LY9: variants seen among roughly 807,000 people sequenced by gnomAD.
The protein encoded by LY9 is lymphocyte antigen 9, also known as T-lymphocyte surface antigen Ly-9.
LY9 carries 59 observed loss-of-function variants against 64.6 expected under a neutral mutation model. That is an observed-to-expected ratio of 0.91 (90% CI 0.74 to 1.13). The LOEUF is 1.13. Ranked by LOEUF, LY9 falls within the 50% of genes most tolerant of loss-of-function variation. The pLI is 0.00. For missense variants in LY9, 789 were observed against 797.2 expected, an observed-to-expected ratio of 0.99 and a Z score of 0.12; for synonymous variants, 281 against 308.5, an observed-to-expected ratio of 0.91 and a Z score of 0.93.
intron 1 of LY9, 85 bp downstream of exon 1, chr1:160,796,396 T>C: frequency 6.7e-7 from 1 of 1,483,526 alleles, no homozygotes; most frequent in South Asian, 1.3e-5. Context: ...ATTCTTTTTT[T>C]TGTTTTTTGT....
chr1:160,815,657 A>G (rs1667892604), intron 4 of LY9, among the ~76,000 whole-genome samples: 1 of 152,214 alleles, frequency 6.6e-6, no homozygotes. Flanking sequence ...AAGTGCTGGG[A>G]TTACAGGCAT....
intron 7 of LY9, among the ~76,000 whole-genome samples, chr1:160,822,136 G>A (rs1668512128): frequency 6.6e-6 from 1 of 152,062 alleles, no homozygotes; most frequent in Non-Finnish European, 1.5e-5. Context: ...CTCGCGTGCC[G>A]GGAAAGTTTA....
At chr1:160,823,420 G>A (rs1668631112) in intron 7 of LY9, 45 bp from the exon 8 acceptor site, 4 of 1,457,360 alleles carry the variant, frequency 2.7e-6, no homozygotes, top group Non-Finnish European at 3.8e-6. Flanking sequence ...CAAGAAGAGA[G>A]GTGGGGTTGG....
At chr1:160,822,278 G>A (rs2101830820) in intron 7 of LY9, among the ~76,000 whole-genome samples, 1 of 152,264 alleles carries the variant, frequency 6.6e-6, no homozygotes, top group East Asian at 1.9e-4. Flanking sequence ...AATGCGCTGA[G>A]TTCTATAGTC....
intron 7 of LY9, among the ~76,000 whole-genome samples, chr1:160,819,829 G>GAA (rs1668256082): frequency 2.1e-5 from 2 of 94,348 alleles, no homozygotes; most frequent in Non-Finnish European, 4.1e-5. Flanking sequence ...AAGAAAGAGA[G>GAA]AGAAAGAAAG....
intron 3 of LY9, among the ~76,000 whole-genome samples, chr1:160,814,157 G>A (rs547332425): frequency 6.6e-6 from 1 of 152,340 alleles, no homozygotes; most frequent in African/African-American, 2.4e-5. Flanking sequence ...CAGGAGTCCA[G>A]ATTGGTCTTT....
In LY9 at chr1:160,819,260, A is replaced by G. The variant is rs1446497088; in HGVS notation, c.1445-61A>G. ...CCCCTTCTCATTTGACTCTCACAGA[A>G]TAAAAGACACCTCTCACCTCACAGC... On this transcript the variant is annotated intron_variant, in intron 6 of 9. Coordinates refer to ENST00000263285, the MANE Select transcript of LY9 (RefSeq NM_002348.4). 26 of 1,287,666 alleles carry G rather than the reference A, an allele frequency of 2.0e-5. No individual in the cohort carries two copies. In the East Asian group the frequency reaches 3.9e-4, roughly 20 times the overall value. The allele number at this position is 1,287,666 out of a possible 1,614,324, so 79.8% of individuals were successfully genotyped here.
Position 160,814,743 on chromosome 1 carries a change from G to T in LY9, c.1054G>T (p.Val352Phe). Reference sequence around the variant, plus strand: ...CTCCAGCGTCACCAGCATGACACATGTCACCCTGCTCATCTACCGTGAGTC... The same window carrying T: ...CTCCAGCGTCACCAGCATGACACATTTCACCCTGCTCATCTACCGTGAGTC... ...EASSVTSMTHVTLLIYRRLRK... is the reference protein window; with the variant it reads ...EASSVTSMTHFTLLIYRRLRK... Residue 352 changes from valine to phenylalanine, a missense_variant, in exon 4 of 10, where the codon GTC (valine) becomes TTC (phenylalanine). Physicochemically the swap from Val to Phe is conservative, Grantham distance 50 (BLOSUM62 -1). Transcript: ENST00000263285. 1 of 1,613,394 alleles carries T rather than the reference G, an allele frequency of 6.2e-7. No homozygotes were observed. The highest frequency in any genetic ancestry group is 8.5e-7 in the Non-Finnish European group (1 of 1,179,638).
intron 2 of LY9, among the ~76,000 whole-genome samples, chr1:160,800,923 G>A (rs985527597): frequency 4.6e-5 from 7 of 152,316 alleles, no homozygotes; most frequent in Admixed American, 2.0e-4. Flanking sequence ...ATAAATACAT[G>A]TATGTATGTG....
chr1:160,819,307 A>G lies in LY9; in HGVS notation c.1445-14A>G. On this transcript the variant is annotated splice_polypyrimidine_tract_variant and intron_variant, in intron 6 of 9. Transcript: ENST00000263285. ...CAGCCCTCTTGATAAACCTTCTCTA[A>G]CTTTGTTTCTCAGGTTCAGTCCCAG... is the stretch of plus-strand genomic sequence containing the variant. The G allele has an allele frequency of 1.2e-6, 2 of 1,611,340 alleles. No individual in the cohort carries two copies. Among genetic ancestry groups the G allele is most frequent in the Non-Finnish European group, 1.7e-6 (2 of 1,177,792 alleles).
chr1:160,806,706 T>TA (rs1437251297), intron 2 of LY9, among the ~76,000 whole-genome samples: 2 of 152,226 alleles, frequency 1.3e-5, no homozygotes, highest in Non-Finnish European at 2.9e-5. Flanking sequence ...GTCATGGAGA[T>TA]CTTTTTGCAT....
intron 1 of LY9, among the ~76,000 whole-genome samples, chr1:160,797,433 A>G (rs1009934334): frequency 3.3e-5 from 5 of 152,344 alleles, no homozygotes; most frequent in African/African-American, 1.2e-4. Context: ...ATCTTGGCTC[A>G]TCAAAACACA....
rs145664274 is a variant in LY9, at chr1:160,818,307, C to T, written c.1432C>T (p.Arg478Ter). 488 of 1,613,542 alleles carry T rather than the reference C, an allele frequency of 3.0e-4. 3 individuals are homozygous for T. In the African/African-American group the frequency reaches 5.7e-3, roughly 19 times the overall value. The change falls in exon 6 of 10, where the codon CGA becomes TGA. Residue 478 changes from arginine (R) to a stop codon, truncating the protein, a stop_gained. Transcript: ENST00000263285. LOFTEE classifies it high-confidence loss of function. The stretch of plus-strand genomic sequence containing the variant: ...GATCTTCAGCTGGTGCATTTGGAAG[C>T]GAAAAGGACGGTGTGAGTTTCCGAG... ...VGIFSWCIWK[R>*]KGRCSVPAFC...
chr1:160,818,171 G>T, intron 5 of LY9, 47 bp from the exon 6 acceptor site: 1 of 1,254,410 alleles, frequency 8.0e-7, no homozygotes, highest in East Asian at 2.3e-5. Flanking sequence ...TTGCTCCAGT[G>T]TGTCTTGTCA....
intron 2 of LY9, chr1:160,801,764 T>C: frequency 6.4e-7 from 1 of 1,563,036 alleles, no homozygotes; most frequent in Non-Finnish European, 8.8e-7. Flanking sequence ...TTCATTCTTC[T>C]GCATGTGACT....
At chr1:160,804,132 T>G (rs900669694) in intron 2 of LY9, among the ~76,000 whole-genome samples, 1 of 152,278 alleles carries the variant, frequency 6.6e-6, no homozygotes, top group African/African-American at 2.4e-5. Context: ...CTATGTTGAA[T>G]AAAAGTAGTG....
intron 4 of LY9, among the ~76,000 whole-genome samples, chr1:160,816,367 A>G (rs1667944771): frequency 6.6e-6 from 1 of 151,984 alleles, no homozygotes; most frequent in South Asian, 2.1e-4. Context: ...ACTTTTCATC[A>G]TTTCCCTTGT....
In LY9 at chr1:160,824,737, T is replaced by C. The variant is rs550753886; in HGVS notation, c.1899+488T>C. ...GCTCATACCTGTAATCCCAGCACTT[T>C]GGGAGGCCAAGGCGGGTGGATCACA... On this transcript the variant is annotated intron_variant, in intron 9 of 9. Transcript: ENST00000263285. The C allele has an allele frequency of 8.9e-6, 7 of 785,380 alleles. No homozygotes were observed. The South Asian group carries it at 3.6e-4, about 40-fold the overall frequency. 48.7% of individuals were successfully genotyped at this position (785,380 alleles called of 1,614,324 possible).
At chr1:160,807,443 C>G (rs774952139) in intron 2 of LY9, among the ~76,000 whole-genome samples, 57 of 152,320 alleles carry the variant, frequency 3.7e-4, no homozygotes, top group Admixed American at 7.8e-4. Context: ...GTCATCAGGC[C>G]ACAGTGGTGG....
Sources: allele counts gnomAD v4.1 joint callset (sites outside exome capture counted in the v4.1 genomes callset), GRCh38; gene constraint gnomAD v4.1.1; transcripts MANE v1.5; gene names NCBI Gene and HGNC (gene_info 2026-07-23, HGNC 2026-07-21).